Variants in EDARADD observed in about 807,000 individuals in gnomAD.
EDARADD encodes EDAR associated via death domain.
A neutral mutation model predicts 25.6 loss-of-function variants in EDARADD; 20 were observed. The ratio of observed to expected loss-of-function variants is 0.78; its 90% CI spans 0.55 to 1.14. EDARADD has a LOEUF of 1.14. Ranked by LOEUF, EDARADD falls within the 50% of genes most tolerant of loss-of-function variation. The pLI, the probability that EDARADD is intolerant of heterozygous loss-of-function variation, is 0.00. For missense variants in EDARADD, 225 were observed against 270.1 expected, an observed-to-expected ratio of 0.83 and a Z score of 1.17; for synonymous variants, 86 against 94.4, an observed-to-expected ratio of 0.91 and a Z score of 0.52.
At chr1:236,482,136 G>GA (rs1453329655) in intron 5 of EDARADD, 131 bp from the exon 6 acceptor site, 1 of 887,480 alleles carries the variant, frequency 1.1e-6, no homozygotes, top group African/African-American at 1.7e-5. Flanking sequence ...AAAAAAGAAA[G>GA]AAACGAGCAT....
chr1:236,363,313 G>A (rs2812461), intron 3 of EDARADD, among the ~76,000 whole-genome samples: 51,773 of 151,342 alleles, frequency 0.34, 9,034 homozygotes, highest in African/African-American at 0.42. Context: ...AATGTAGGGG[G>A]TGAGGCCTGG....
chr1:236,466,941 G>C lies in EDARADD; in HGVS notation c.220-1290G>C, dbSNP rs528213353. On this transcript the variant is annotated intron_variant, in intron 4 of 5. Coordinates refer to ENST00000334232, the MANE Select transcript of EDARADD (RefSeq NM_145861.4). ...AATTAGCCAGGCGTGGTGGCGGGTG[G>C]CTGTAGTCCCAGCTACTTGGGAGGC... Among the ~76,000 whole-genome samples the C allele has an allele frequency of 6.0e-3, 918 of 151,998 alleles. 8 individuals carry two copies. The highest frequency in any genetic ancestry group is 0.021 in the African/African-American group (870 of 41,482).
chr1:236,368,218 CATA>C (rs1488425308), intron 3 of EDARADD, among the ~76,000 whole-genome samples: 2 of 152,140 alleles, frequency 1.3e-5, no homozygotes, highest in Admixed American at 6.6e-5. Context: ...TCATATAACT[CATA>C]ATATTTGCCA....
intron 1 of EDARADD, among the ~76,000 whole-genome samples, chr1:236,406,309 G>A (rs1015950964): frequency 2.6e-5 from 4 of 152,134 alleles, no homozygotes; most frequent in South Asian, 2.1e-4. Context: ...CTGGAAAACC[G>A]AATGCACGTG....
intron 4 of EDARADD, among the ~76,000 whole-genome samples, chr1:236,456,236 C>T (rs1253614): frequency 0.85 from 129,395 of 152,072 alleles, 55,895 homozygotes; most frequent in Non-Finnish European, 0.92. Context: ...CGCGGATCTC[C>T]CTTGGCCTCA....
chr1:236,357,948 C>G (rs1427520819), intron 3 of EDARADD, among the ~76,000 whole-genome samples: 2 of 151,986 alleles, frequency 1.3e-5, no homozygotes, highest in Non-Finnish European at 2.9e-5. Context: ...CCTCGGCTCA[C>G]TGCAACCTCT....
At chr1:236,348,297 A>G (rs768498692) in intron 1 of EDARADD, 8 of 152,428 alleles carry the variant, frequency 5.2e-5, no homozygotes, top group South Asian at 2.1e-4. Flanking sequence ...AGGGCCCTAC[A>G]GACTGACTGG....
At position 236,436,288 on chromosome 1, in the gene EDARADD, C is replaced by T. The variant is rs1397015064; in HGVS notation, c.219+8838C>T. 3.9e-5 allele frequency among the ~76,000 whole-genome samples: 6 copies of T among 152,150 alleles called. No individual in the cohort carries two copies. The East Asian group carries it at 9.7e-4, about 25-fold the overall frequency. On this transcript the variant is annotated intron_variant, in intron 4 of 5. Transcript: ENST00000334232. ...TTTACCTGCCTCAGCCCCCGAGTAG[C>T]TCGAACTACAGGCGTGCACCACTGC...
chr1:236,476,856 T>C (rs1376119559), intron 5 of EDARADD, among the ~76,000 whole-genome samples: 1 of 151,524 alleles, frequency 6.6e-6, no homozygotes, highest in Non-Finnish European at 1.5e-5. Flanking sequence ...AAAAAATTAG[T>C]TGGGCATGGA....
At chr1:236,447,192 CT>C (rs1571940272) in intron 4 of EDARADD, among the ~76,000 whole-genome samples, 1 of 57,810 alleles carries the variant, frequency 1.7e-5, no homozygotes, top group East Asian at 3.1e-4. Flanking sequence ...TTCTTTCTTT[CT>C]TTCTTTCTTT....
chr1:236,429,400 C>T (rs3121599), intron 4 of EDARADD, among the ~76,000 whole-genome samples: 67,232 of 149,788 alleles, frequency 0.45, 17,360 homozygotes, highest in Non-Finnish European at 0.59. Flanking sequence ...TTTTTTTAGA[C>T]AGAGTCTCGC....
intron 3 of EDARADD, among the ~76,000 whole-genome samples, chr1:236,363,506 C>T (rs939516119): frequency 6.6e-5 from 10 of 151,586 alleles, no homozygotes; most frequent in African/African-American, 4.8e-5. Context: ...CACTTGAGGC[C>T]GGGAGTTTGA....
intron 4 of EDARADD, among the ~76,000 whole-genome samples, chr1:236,445,911 A>C (rs1658524568): frequency 6.6e-6 from 1 of 152,030 alleles, no homozygotes; most frequent in Non-Finnish European, 1.5e-5. Flanking sequence ...CAGCAGTTCC[A>C]CCCCTGTTGG....
rs556636966 is a variant in EDARADD, at chr1:236,395,876, G to T, written c.61+1371G>T. ...GCTGCTGACCGCCCCTCCCGCGCTC[G>T]CCAGGGCCCCTGCCCCGCGTCAGCC... On this transcript the variant is annotated intron_variant, in intron 1 of 5. Coordinates refer to ENST00000334232, the MANE Select transcript of EDARADD (RefSeq NM_145861.4). The surrounding 1 kb of genome is among the most constrained non-coding windows in gnomAD (Gnocchi z 6.9). Among the ~76,000 whole-genome samples the T allele has an allele frequency of 7.9e-5, 12 of 152,108 alleles. No homozygotes were observed. The South Asian group carries it at 2.5e-3, about 32-fold the overall frequency.
chr1:236,410,423 A>C (rs1657435780), intron 2 of EDARADD, among the ~76,000 whole-genome samples: 1 of 151,994 alleles, frequency 6.6e-6, no homozygotes. Flanking sequence ...AAAGGAGAGA[A>C]TTGTGTTCTT....
chr1:236,368,505 A>C (rs1572111848), intron 3 of EDARADD, among the ~76,000 whole-genome samples: 1 of 138,152 alleles, frequency 7.2e-6, no homozygotes, highest in South Asian at 2.2e-4. Context: ...CAGTGGCGCT[A>C]TCTCAGCTCA....
intron 3 of EDARADD, among the ~76,000 whole-genome samples, chr1:236,364,839 A>G (rs1667093279): frequency 6.6e-6 from 1 of 152,188 alleles, no homozygotes; most frequent in South Asian, 2.1e-4. Context: ...TATGAATAAC[A>G]GTTTTAATTT....
intron 4 of EDARADD, among the ~76,000 whole-genome samples, chr1:236,436,865 C>A (rs1558124178): frequency 6.6e-6 from 1 of 152,156 alleles, no homozygotes; most frequent in Non-Finnish European, 1.5e-5. Flanking sequence ...TCTGTTCATA[C>A]AGCAGGGAGG....
At chr1:236,477,461 T>A (rs1659541327) in intron 5 of EDARADD, among the ~76,000 whole-genome samples, 1 of 152,014 alleles carries the variant, frequency 6.6e-6, no homozygotes, top group Admixed American at 6.6e-5. Flanking sequence ...TTTTAAGGTG[T>A]TGCGCGGAAA....
Sources: gnomAD v4.1 joint callset for allele counts (sites outside exome capture counted in the v4.1 genomes callset) on GRCh38, gnomAD v4.1.1 for gene constraint, Gnocchi (gnomAD v3.1) non-coding constraint, MANE v1.5 for transcripts, NCBI Gene and HGNC (gene_info 2026-07-23, HGNC 2026-07-21) for gene names.